CPSF2: variants seen among roughly 807,000 people sequenced by gnomAD.
The protein encoded by CPSF2 is cleavage and polyadenylation specific factor 2, also known as cleavage and polyadenylation specificity factor subunit 2.
Under a neutral mutation model 84.2 loss-of-function variants are expected in CPSF2, and 51 were observed. The ratio of observed to expected loss-of-function variants is 0.61; its 90% CI spans 0.48 to 0.77. The LOEUF is 0.77. CPSF2 is among the 30% of genes least tolerant of loss of function. CPSF2 has a pLI of 0.00. For missense variants in CPSF2, 641 were observed against 929.4 expected (o/e 0.69, Z 4.03); for synonymous variants, 286 against 311.9 (o/e 0.92, Z 0.87).
At chr14:92,122,365 C>T (rs889023490) in intron 1 of CPSF2, 3 of 164,438 alleles carry the variant, frequency 1.8e-5, no homozygotes, top group African/African-American at 7.2e-5. Flanking sequence ...CGGTTCCCTC[C>T]CGGGATCTTC....
chr14:92,143,020 A>G lies in CPSF2; in HGVS notation c.866A>G (p.Asp289Gly). The G allele has an allele frequency of 1.2e-6, 2 of 1,612,042 alleles. No individual in the cohort carries two copies. Among genetic ancestry groups the G allele is most frequent in the Non-Finnish European group, 1.7e-6 (2 of 1,178,370 alleles). Reference sequence around the variant, plus strand: ...CCATGTTAGGTAGAATGGATGAGTGATAAATTGATGAGATGTTTTGAAGAC... The same window carrying G: ...CCATGTTAGGTAGAATGGATGAGTGGTAAATTGATGAGATGTTTTGAAGAC... ...FSKSQVEWMS[D>G]KLMRCFEDKR... The change falls in exon 9 of 16, where the codon GAT becomes GGT. Residue 289 changes from aspartate to glycine, a missense_variant. Physicochemically the swap from Asp to Gly is moderately conservative, Grantham distance 94 (BLOSUM62 -1). Coordinates refer to ENST00000298875, the MANE Select transcript of CPSF2 (RefSeq NM_017437.3).
rs2069461670 is a variant in CPSF2 at position 92,167,285 on chromosome 14, T to C, written c.*5541T>C. ...CCTCAGCCTCCCAAAGTGCTGGGAT[T>C]ACAGTCGTGAGCCACCATACTCAGC... On this transcript the variant is annotated 3_prime_UTR_variant, in exon 16 of 16. Transcript: ENST00000298875. The C allele has an allele frequency of 6.6e-6, 1 of 152,158 alleles. No individual in the cohort carries two copies. Among genetic ancestry groups the C allele is most frequent in the South Asian group, 2.1e-4 (1 of 4,830 alleles). The allele number at this position is 152,158 out of a possible 1,614,324, so 9.4% of individuals were successfully genotyped here. A position where few individuals can be genotyped will look rare whatever the true frequency, so the allele number is the denominator to read the frequency against.
intron 9 of CPSF2, among the ~76,000 whole-genome samples, chr14:92,144,920 T>A (rs1424812769): frequency 6.6e-6 from 1 of 152,138 alleles, no homozygotes; most frequent in East Asian, 1.9e-4. Context: ...AATTCCTTTA[T>A]CTTTCCACCA....
At position 92,164,675 on chromosome 14, in the gene CPSF2, G is replaced by A. The variant is rs1241804011; in HGVS notation, c.*2931G>A. The stretch of plus-strand genomic sequence containing the variant: ...AGGATTATAAATGTCAAATATCATT[G>A]TAAACATTTCTATATTTTTAGAAAT... On this transcript the variant is annotated 3_prime_UTR_variant, in exon 16 of 16. Transcript: ENST00000298875. 5.9e-5 allele frequency: 9 copies of A among 152,166 alleles called. No individual in the cohort carries two copies. The highest frequency in any genetic ancestry group is 5.9e-4 in the Admixed American group (9 of 15,266). The allele number at this position is 152,166 out of a possible 1,614,324, so 9.4% of individuals were successfully genotyped here. A position where few individuals can be genotyped will look rare whatever the true frequency, so the allele number is the denominator to read the frequency against.
chr14:92,161,252 T>C lies in CPSF2; in HGVS notation c.2256+6T>C. The C allele has an allele frequency of 6.2e-7, 1 of 1,606,782 alleles. No individual in the cohort carries two copies. Among genetic ancestry groups the C allele is most frequent in the South Asian group, 1.1e-5 (1 of 89,752 alleles). On this transcript the variant is annotated splice_donor_region_variant and intron_variant, in intron 15 of 15. Transcript: ENST00000298875. ...ATCAAGTAGCAGTCCGCAGAGTAAGTGTGTTTTCAATAAGGGCTGAATTGA... is the reference window on the plus strand; with the variant it reads ...ATCAAGTAGCAGTCCGCAGAGTAAGCGTGTTTTCAATAAGGGCTGAATTGA...
intron 1 of CPSF2, among the ~76,000 whole-genome samples, chr14:92,122,742 T>C (rs189697622): frequency 6.6e-6 from 1 of 152,348 alleles, no homozygotes; most frequent in Admixed American, 6.5e-5. Context: ...AGAGGTCAGA[T>C]TGAACCCCGG....
rs899439613 is a variant in CPSF2, at chr14:92,169,121, C to T, written c.*7377C>T. 8 of 152,160 alleles carry T rather than the reference C, an allele frequency of 5.3e-5. No individual in the cohort carries two copies. Among genetic ancestry groups the T allele is most frequent in the Admixed American group, 5.2e-4 (8 of 15,284 alleles). The allele number at this position is 152,160 out of a possible 1,614,324, so 9.4% of individuals were successfully genotyped here. ...CAAAAAGAAGCACATACTGTACAGT[C>T]AAAACTATCAGACGTAACTCTGTGG... On this transcript the variant is annotated 3_prime_UTR_variant, in exon 16 of 16. Transcript: ENST00000298875.
In CPSF2 at chr14:92,159,207, G is replaced by T; in HGVS notation, c.2046G>T (p.Leu682=). ...VIAQQKAMKS[L]FGDDEKETGE... is the part of the protein sequence containing the mutation. ...CACAACAAAAGGCCATGAAAAGTCT[G>T]TTCGGAGATGATGAAAAAGAAACAG... The change falls in exon 14 of 16, where the codon CTG becomes CTT. Residue 682 remains leucine (L), a synonymous_variant. Transcript: ENST00000298875. The T allele has an allele frequency of 1.2e-6, 2 of 1,613,804 alleles. No individual in the cohort carries two copies. Among genetic ancestry groups the T allele is most frequent in the South Asian group, 1.1e-5 (1 of 91,036 alleles).
At chr14:92,138,725 C>T (rs923603264) in intron 7 of CPSF2, among the ~76,000 whole-genome samples, 6 of 152,152 alleles carry the variant, frequency 3.9e-5, no homozygotes, top group East Asian at 1.9e-4. Context: ...CCACCACGCC[C>T]GGCCACAAGT....
intron 7 of CPSF2, among the ~76,000 whole-genome samples, chr14:92,138,671 C>T (rs1476934414): frequency 6.6e-6 from 1 of 152,092 alleles, no homozygotes; most frequent in Non-Finnish European, 1.5e-5. Flanking sequence ...CTCAGGTGAT[C>T]CACCTGCCTT....
chr14:92,130,676 T>G (rs72691116), intron 2 of CPSF2, among the ~76,000 whole-genome samples: 1 of 152,190 alleles, frequency 6.6e-6, no homozygotes, highest in Non-Finnish European at 1.5e-5. Context: ...GTCTATTTGA[T>G]TGCAACATTC....
At chr14:92,144,927 A>G (rs1294846323) in intron 9 of CPSF2, among the ~76,000 whole-genome samples, 2 of 152,302 alleles carry the variant, frequency 1.3e-5, no homozygotes, top group African/African-American at 4.8e-5. Context: ...TTATCTTTCC[A>G]CCACTAAATG....
At chr14:92,142,433 A>C (rs1368380160) in intron 8 of CPSF2, 82 bp downstream of exon 8, 1 of 1,087,468 alleles carries the variant, frequency 9.2e-7, no homozygotes, top group Non-Finnish European at 1.3e-6. Context: ...TGTTTTTTGG[A>C]TTTTATTTTT....
chr14:92,145,371 C>T (rs2069130826), intron 9 of CPSF2, among the ~76,000 whole-genome samples: 1 of 152,172 alleles, frequency 6.6e-6, no homozygotes, highest in Non-Finnish European at 1.5e-5. Context: ...ACTCCACCTT[C>T]CAAAGTGCTG....
intron 9 of CPSF2, among the ~76,000 whole-genome samples, 190 bp downstream of exon 9, chr14:92,143,484 C>G (rs1383198845): frequency 6.6e-6 from 1 of 152,096 alleles, no homozygotes; most frequent in Non-Finnish European, 1.5e-5. Context: ...GGAAGGACCA[C>G]TCGAGCCCAG....
intron 1 of CPSF2, 127 bp downstream of exon 1, chr14:92,122,255 G>C (rs886393649): frequency 1.5e-4 from 43 of 278,394 alleles, no homozygotes; most frequent in African/African-American, 9.4e-4. Context: ...CGCTTCGGCT[G>C]CGACTGTCCC....
chr14:92,143,966 A>G (rs1335122451), intron 9 of CPSF2, among the ~76,000 whole-genome samples: 1 of 152,126 alleles, frequency 6.6e-6, no homozygotes, highest in African/African-American at 2.4e-5. Flanking sequence ...CTCTTTCCTA[A>G]AGACGTTCTT....
Position 92,161,259 on chromosome 14 carries a change from T to A in CPSF2, c.2256+13T>A. On this transcript the variant is annotated intron_variant, in intron 15 of 15. Coordinates refer to ENST00000298875, the MANE Select transcript of CPSF2 (RefSeq NM_017437.3). ...AGCAGTCCGCAGAGTAAGTGTGTTT[T>A]CAATAAGGGCTGAATTGAACACATA... The A allele has an allele frequency of 6.2e-7, 1 of 1,605,224 alleles. No homozygotes were observed. Among genetic ancestry groups the A allele is most frequent in the Non-Finnish European group, 8.5e-7 (1 of 1,177,324 alleles).
rs1429370021 is a variant in CPSF2 at position 92,125,049 on chromosome 14, T to G, written c.-93-1073T>G. Among the ~76,000 whole-genome samples, 3 of 152,124 alleles carry G rather than the reference T, an allele frequency of 2.0e-5. No homozygotes were observed. The East Asian group carries it at 5.8e-4, about 30-fold the overall frequency. On this transcript the variant is annotated intron_variant, in intron 1 of 15. Transcript: ENST00000298875. The stretch of plus-strand genomic sequence containing the variant: ...TCCATTGCCAGTTAAGGCATTTGGT[T>G]TGTCTTTTCTCAAGCAGTAAGAAGC...
Sources: gnomAD v4.1 joint callset for allele counts (sites outside exome capture counted in the v4.1 genomes callset) on GRCh38, gnomAD v4.1.1 for gene constraint, MANE v1.5 for transcripts, NCBI Gene and HGNC (gene_info 2026-07-23, HGNC 2026-07-21) for gene names.